The following FRMD5 variants were observed in gnomAD, a reference collection of about 807,000 sequenced individuals.
FRMD5 encodes the protein FERM domain-containing protein 5.
In FRMD5, 20 loss-of-function variants were observed where a neutral mutation model predicts 69.0. The ratio of observed to expected loss-of-function variants is 0.29; its 90% CI spans 0.20 to 0.42. The LOEUF is 0.42. FRMD5 is among the 10% of genes least tolerant of loss of function. The pLI, the probability that FRMD5 is intolerant of heterozygous loss-of-function variation, is 1.00. For missense variants in FRMD5, 595 were observed against 708.6 expected (o/e 0.84, Z 1.82); for synonymous variants, 271 against 260.1 (o/e 1.04, Z -0.40).
intron 1 of FRMD5, among the ~76,000 whole-genome samples, chr15:44,141,462 G>C (rs1002760397): frequency 6.6e-6 from 1 of 152,080 alleles, no homozygotes; most frequent in Non-Finnish European, 1.5e-5. Flanking sequence ...ACAAATCAGG[G>C]GGAAATCAGA....
chr15:43,957,415 T>C (rs2140528868), intron 1 of FRMD5, among the ~76,000 whole-genome samples: 1 of 152,340 alleles, frequency 6.6e-6, no homozygotes, highest in Middle Eastern at 3.4e-3. Context: ...CAGGCTGGTA[T>C]CAAACTCCTG....
At chr15:43,912,692 T>A (rs1236595016) in intron 4 of FRMD5, among the ~76,000 whole-genome samples, 1 of 151,908 alleles carries the variant, frequency 6.6e-6, no homozygotes, top group African/African-American at 2.4e-5. Context: ...CGTCAGAATC[T>A]GTATGTGTTG....
intron 1 of FRMD5, among the ~76,000 whole-genome samples, chr15:43,934,835 G>A (rs532344351): frequency 2.6e-5 from 4 of 152,324 alleles, no homozygotes; most frequent in South Asian, 2.1e-4. Flanking sequence ...GGCAGCAGCG[G>A]GACTGCTGGA....
intron 1 of FRMD5, among the ~76,000 whole-genome samples, chr15:44,072,746 C>T (rs560396907): frequency 1.6e-4 from 25 of 152,190 alleles, no homozygotes; most frequent in Admixed American, 3.3e-4. Context: ...AATATTGTCC[C>T]TTTCAAAGAT....
chr15:44,151,389 T>G (rs1388046751), intron 1 of FRMD5, among the ~76,000 whole-genome samples: 2 of 132,174 alleles, frequency 1.5e-5, no homozygotes, highest in Non-Finnish European at 3.1e-5. Flanking sequence ...AGAGCGAGAC[T>G]CCATCTCAAA....
chr15:43,876,993 C>G (rs779803477), intron 13 of FRMD5, among the ~76,000 whole-genome samples: 1 of 152,182 alleles, frequency 6.6e-6, no homozygotes, highest in Non-Finnish European at 1.5e-5. Context: ...GCAGGGAAAA[C>G]AGGAGCTGGT....
chr15:43,874,328 A>G lies in FRMD5; in HGVS notation c.1270T>C (p.Tyr424His), dbSNP rs1005813085. The G allele has an allele frequency of 5.0e-6, 8 of 1,614,110 alleles. No homozygotes were observed. The highest frequency in any genetic ancestry group is 1.3e-5 in the African/African-American group (1 of 74,944). ...GGCAGCACGCTGTCTGCAGGGCTGT[A>G]GGCCTCGTCTGCAATCACAGCTACT... ...ERVAVIADEAYSPADSVLPTP... is the reference protein window; with the variant it reads ...ERVAVIADEAHSPADSVLPTP... Residue 424 changes from tyrosine to histidine, a missense_variant, in exon 14 of 14, where the codon TAC (tyrosine) becomes CAC (histidine). By Grantham distance (83) the Tyr-to-His change is moderately conservative (BLOSUM62 2). Around this residue, in one of 5 missense-constraint regions of FRMD5, gnomAD observed 245 missense variants for 227.1 expected, o/e 1.08. Transcript: ENST00000417257.
intron 1 of FRMD5, among the ~76,000 whole-genome samples, chr15:44,089,749 G>C (rs966346640): frequency 2.0e-5 from 3 of 151,962 alleles, no homozygotes; most frequent in Non-Finnish European, 4.4e-5. Flanking sequence ...TTATTTGGGT[G>C]GTTTTCTGCA....
intron 1 of FRMD5, among the ~76,000 whole-genome samples, chr15:44,054,575 G>A (rs1420714089): frequency 6.6e-6 from 1 of 152,092 alleles, no homozygotes; most frequent in East Asian, 1.9e-4. Context: ...CCAAAGAATA[G>A]AATTATTCTA....
chr15:43,999,967 T>TATGCTATGC (rs1555392744), intron 1 of FRMD5, among the ~76,000 whole-genome samples: 3 of 42,036 alleles, frequency 7.1e-5, no homozygotes, highest in Admixed American at 3.2e-4. Flanking sequence ...TATATATATA[T>TATGCTATGC]ATATATATAT....
intron 13 of FRMD5, among the ~76,000 whole-genome samples, chr15:43,882,458 A>G (rs1174620282): frequency 1.3e-5 from 2 of 151,838 alleles, no homozygotes; most frequent in East Asian, 3.9e-4. Context: ...TCCTGGGTTC[A>G]AGCAATCCTC....
chr15:44,022,275 A>G (rs999666270), intron 1 of FRMD5, among the ~76,000 whole-genome samples: 5 of 152,064 alleles, frequency 3.3e-5, no homozygotes, highest in Non-Finnish European at 5.9e-5. Context: ...AATACAAAAG[A>G]GGGCAGGCGG....
At chr15:43,927,767 C>T (rs2089609857) in intron 1 of FRMD5, among the ~76,000 whole-genome samples, 1 of 151,462 alleles carries the variant, frequency 6.6e-6, no homozygotes, top group African/African-American at 2.4e-5. Context: ...TTTTCACAAA[C>T]ACTACTACAG....
In FRMD5 at chr15:43,872,995, G is replaced by T. The variant is rs2088201443; in HGVS notation, c.*890C>A. ...CTCTGCTTTCTCTTAACTACACTTT[G>T]TCCAACATTTCTGACAGAACTATCT... On this transcript the variant is annotated 3_prime_UTR_variant, in exon 14 of 14. Coordinates refer to ENST00000417257, the MANE Select transcript of FRMD5 (RefSeq NM_032892.5). 3 of 592,620 alleles carry T rather than the reference G, an allele frequency of 5.1e-6. No individual in the cohort carries two copies. 36.7% of individuals were successfully genotyped at this position (592,620 alleles called of 1,614,324 possible). A position where few individuals can be genotyped will look rare whatever the true frequency, so the allele number is the denominator to read the frequency against.
chr15:44,067,574 G>A (rs762026901), intron 1 of FRMD5, among the ~76,000 whole-genome samples: 2 of 152,138 alleles, frequency 1.3e-5, no homozygotes, highest in Admixed American at 6.6e-5. Flanking sequence ...GGATCATGCC[G>A]TGTTGCTGCA....
At chr15:43,996,425 G>A (rs1360806158) in intron 1 of FRMD5, among the ~76,000 whole-genome samples, 1 of 152,164 alleles carries the variant, frequency 6.6e-6, no homozygotes, top group African/African-American at 2.4e-5. Context: ...TTGGGGAAGT[G>A]TGACGAGGGT....
chr15:44,171,247 T>C (rs1220644108), intron 1 of FRMD5, among the ~76,000 whole-genome samples: 1 of 152,256 alleles, frequency 6.6e-6, no homozygotes, highest in Non-Finnish European at 1.5e-5. Flanking sequence ...TTTCTTGATG[T>C]ATATATTGCT....
At chr15:43,883,929 T>C in intron 12 of FRMD5, 120 bp from the exon 13 acceptor site, 1 of 714,278 alleles carries the variant, frequency 1.4e-6, no homozygotes, top group East Asian at 2.8e-5. Flanking sequence ...TCTCTCTCTT[T>C]TTTAAAATCT....
At chr15:44,115,738 C>G (rs1403153799) in intron 1 of FRMD5, among the ~76,000 whole-genome samples, 3 of 152,108 alleles carry the variant, frequency 2.0e-5, no homozygotes, top group Non-Finnish European at 4.4e-5. Flanking sequence ...GGAAAGAAAG[C>G]ATGTGGAATC....
Sources: gnomAD v4.1 joint callset for allele counts (sites outside exome capture counted in the v4.1 genomes callset) on GRCh38, gnomAD v4.1.1 for gene constraint, gnomAD v4.1.1 regional missense constraint, MANE v1.5 for transcripts, NCBI Gene and HGNC (gene_info 2026-07-23, HGNC 2026-07-21) for gene names.